The following RMI1 variants were observed in gnomAD, a reference collection of about 807,000 sequenced individuals.
RMI1 encodes RecQ mediated genome instability 1.
A neutral mutation model predicts 46.7 loss-of-function variants in RMI1; 36 were observed. That is an observed-to-expected ratio of 0.77 (90% confidence interval 0.59 to 1.02). The LOEUF is 1.02. Among genes scored for constraint, RMI1 ranks in the 50% least tolerant of loss-of-function variants. RMI1 has a pLI of 0.00. For missense variants in RMI1, 676 were observed against 713.7 expected, an observed-to-expected ratio of 0.95 and a Z score of 0.60; for synonymous variants, 250 against 252.9, an observed-to-expected ratio of 0.99 and a Z score of 0.11.
At chr9:83,984,118 G>A (rs1256094095) in intron 1 of RMI1, among the ~76,000 whole-genome samples, 1 of 151,952 alleles carries the variant, frequency 6.6e-6, no homozygotes, top group Non-Finnish European at 1.5e-5. Context: ...TGGGGTATAT[G>A]TGATAATTTA....
chr9:84,003,770 A>G lies in RMI1; in HGVS notation c.*906A>G, dbSNP rs938657188. The G allele has an allele frequency of 1.2e-5, 2 of 166,902 alleles. No individual in the cohort carries two copies. The highest frequency in any genetic ancestry group is 2.9e-5 in the Non-Finnish European group (2 of 68,124). 10.3% of individuals were successfully genotyped at this position (166,902 alleles called of 1,614,324 possible). A position where few individuals can be genotyped will look rare whatever the true frequency, so the allele number is the denominator to read the frequency against. ...TATTTTCAAGGATAGTTTATTTTAA[A>G]TGGCATATTGAAAACATCATTATTA... On this transcript the variant is annotated 3_prime_UTR_variant, in exon 3 of 3. Transcript: ENST00000445877.
chr9:83,998,239 A>ATT (rs1957687603), intron 1 of RMI1, among the ~76,000 whole-genome samples: 1 of 152,160 alleles, frequency 6.6e-6, no homozygotes, highest in African/African-American at 2.4e-5. Flanking sequence ...GAATTTTTAC[A>ATT]TTGTTTTTTA....
At chr9:83,980,966 G>A (rs1957369949) in intron 1 of RMI1, 75 bp downstream of exon 1, 1 of 152,364 alleles carries the variant, frequency 6.6e-6, no homozygotes, top group African/African-American at 2.4e-5. Context: ...ACCCCGCCCC[G>A]GGCTGTGGTC....
rs1422522659 is a variant in RMI1, at chr9:84,001,323, A to C, written c.337A>C (p.Asn113His). The C allele has an allele frequency of 6.2e-7, 1 of 1,614,010 alleles. No individual in the cohort carries two copies. Among genetic ancestry groups the C allele is most frequent in the Non-Finnish European group, 8.5e-7 (1 of 1,179,992 alleles). The part of the protein sequence containing the change: ...IQKLRGKNTT[N>H]DLVTAEAQVT... ...GAAGTTGAGAGGAAAGAATACAACA[A>C]ATGATCTAGTTACAGCTGAAGCACA... The change falls in exon 3 of 3, where the codon AAT (asparagine) becomes CAT (histidine). Residue 113 changes from asparagine (N) to histidine (H), a missense_variant. Physicochemically the swap from Asn to His is moderately conservative, Grantham distance 68. Coordinates refer to ENST00000445877, the MANE Select transcript of RMI1 (RefSeq NM_001358291.2).
In RMI1 at chr9:83,987,671, TG is replaced by T. The variant is rs1386274723; in HGVS notation, c.-126+6782del. Among the ~76,000 whole-genome samples the T allele has an allele frequency of 1.8e-4, 28 of 152,354 alleles. 1 individual carries two copies. Among genetic ancestry groups the T allele is most frequent in the Admixed American group, 1.8e-3 (28 of 15,304 alleles). On this transcript the variant is annotated intron_variant, in intron 1 of 2. Coordinates refer to ENST00000445877, the MANE Select transcript of RMI1 (RefSeq NM_001358291.2). ...TGTAGTCAACCTCTTTCCACATTTC[TG>T]GCCTTTGGCAACCACTGAACTGTTT...
In RMI1 at chr9:83,993,655, G is replaced by GT. The variant is rs530588883; in HGVS notation, c.-125-6048dup. Among the ~76,000 whole-genome samples the GT allele has an allele frequency of 1.9e-4, 29 of 152,126 alleles. No individual in the cohort carries two copies. In the East Asian group the frequency reaches 2.1e-3, roughly 11 times the overall value. On this transcript the variant is annotated intron_variant, in intron 1 of 2. Transcript: ENST00000445877. ...CCTCTCCAATACTTGTTATTTTCTG[G>GT]TTTTTTGATATTGGCACTTCTAACA...
intron 1 of RMI1, among the ~76,000 whole-genome samples, chr9:83,987,004 G>C (rs187033305): frequency 6.6e-6 from 1 of 152,266 alleles, no homozygotes. Context: ...GGAGGAAATA[G>C]GAACCTTATT....
intron 1 of RMI1, among the ~76,000 whole-genome samples, chr9:83,982,791 C>T (rs942609756): frequency 2.0e-5 from 3 of 151,798 alleles, no homozygotes; most frequent in Non-Finnish European, 4.4e-5. Flanking sequence ...TGCTATTTTT[C>T]CCCCCATTTG....
intron 1 of RMI1, among the ~76,000 whole-genome samples, chr9:83,982,557 AC>A (rs984773419): frequency 8.6e-5 from 13 of 151,956 alleles, no homozygotes; most frequent in African/African-American, 3.1e-4. Context: ...AGTCCCAGCT[AC>A]TCAGGAGGCC....
rs1957766078 is a variant in RMI1 at position 84,003,244 on chromosome 9, A to T, written c.*380A>T. The stretch of plus-strand genomic sequence containing the variant: ...TACTATTATTGTTTTGTAGGGACAG[A>T]GTTTTGCTATGTTGCCCAGATTGGT... On this transcript the variant is annotated 3_prime_UTR_variant, in exon 3 of 3. Transcript: ENST00000445877. 1 of 168,964 alleles carries T rather than the reference A, an allele frequency of 5.9e-6. No homozygotes were observed. Among genetic ancestry groups the T allele is most frequent in the Admixed American group, 6.3e-5 (1 of 15,802 alleles). The allele number at this position is 168,964 out of a possible 1,614,324, so 10.5% of individuals were successfully genotyped here.
Position 84,001,446 on chromosome 9 carries a change from A to G in RMI1, c.460A>G (p.Ile154Val). 4 of 1,614,108 alleles carry G rather than the reference A, an allele frequency of 2.5e-6. No individual in the cohort carries two copies. The highest frequency in any genetic ancestry group is 1.1e-5 in the South Asian group (1 of 91,086). The change falls in exon 3 of 3, where the codon ATT becomes GTT. Residue 154 changes from isoleucine (I) to valine (V), a missense_variant. Coordinates refer to ENST00000445877, the MANE Select transcript of RMI1 (RefSeq NM_001358291.2). The stretch of plus-strand genomic sequence containing the variant: ...AATACAGGGAATGGAATATCAGCCT[A>G]TTCCAATTCTTCATAGTGATCTTCC... Reference protein sequence around the residue: ...VQIQGMEYQPIPILHSDLPPG... With the variant: ...VQIQGMEYQPVPILHSDLPPG...
At chr9:83,996,054 C>G (rs528725150) in intron 1 of RMI1, among the ~76,000 whole-genome samples, 77 of 152,076 alleles carry the variant, frequency 5.1e-4, no homozygotes, top group Non-Finnish European at 8.8e-4. Flanking sequence ...TAGTAATTTT[C>G]CTAAAGTGTA....
At chr9:83,982,125 CTG>C (rs1252430038) in intron 1 of RMI1, among the ~76,000 whole-genome samples, 1 of 152,168 alleles carries the variant, frequency 6.6e-6, no homozygotes, top group Non-Finnish European at 1.5e-5. Flanking sequence ...ATATTCAAAA[CTG>C]ATGAGTTTAT....
At position 84,002,232 on chromosome 9, in the gene RMI1, A is replaced by G; in HGVS notation, c.1246A>G (p.Asn416Asp). 1 of 1,606,800 alleles carries G rather than the reference A, an allele frequency of 6.2e-7. No individual in the cohort carries two copies. Among genetic ancestry groups the G allele is most frequent in the Non-Finnish European group, 8.5e-7 (1 of 1,178,190 alleles). ...CNVPLAHDFT[N>D]KEKNLETDNK... ...TGTACCCTTAGCCCATGATTTTACAAATAAAGAAAAGAACTTAGAGACAGA... is the reference window on the plus strand; with the variant it reads ...TGTACCCTTAGCCCATGATTTTACAGATAAAGAAAAGAACTTAGAGACAGA... Residue 416 changes from asparagine to aspartate, a missense_variant, in exon 3 of 3, where the codon AAT becomes GAT. By Grantham distance (23) the Asn-to-Asp change is conservative. Transcript: ENST00000445877.
At position 84,002,588 on chromosome 9, in the gene RMI1, G is replaced by A. The variant is rs548128767; in HGVS notation, c.1602G>A (p.Val534=). 14 of 1,613,956 alleles carry A rather than the reference G, an allele frequency of 8.7e-6. No homozygotes were observed. The African/African-American group carries it at 1.3e-4, about 15-fold the overall frequency. Residue 534 remains valine (V), a synonymous_variant, in exon 3 of 3, where the codon GTG becomes GTA. Coordinates refer to ENST00000445877, the MANE Select transcript of RMI1 (RefSeq NM_001358291.2). ...GTATTTGGAGTATAACTGCAAAGGT[G>A]TCTGATGGTACTGCATATCTAGATG... ...SGGIWSITAK[V]SDGTAYLDVD...
At chr9:83,993,990 T>A (rs1469428227) in intron 1 of RMI1, among the ~76,000 whole-genome samples, 1 of 150,930 alleles carries the variant, frequency 6.6e-6, no homozygotes, top group Non-Finnish European at 1.5e-5. Context: ...CGCCATGTTG[T>A]TCAGGCTGGT....
chr9:83,991,142 TGGATATTCA>T (rs1048145517), intron 1 of RMI1, among the ~76,000 whole-genome samples: 9 of 152,202 alleles, frequency 5.9e-5, no homozygotes, highest in Non-Finnish European at 1.2e-4. Flanking sequence ...AAAAATTCTT[TGGATATTCA>T]GGATATTTCT....
At chr9:83,980,965 C>T (rs536107855) in intron 1 of RMI1, 74 bp downstream of exon 1, 1 of 152,358 alleles carries the variant, frequency 6.6e-6, no homozygotes, top group Non-Finnish European at 1.5e-5. Flanking sequence ...TACCCCGCCC[C>T]GGGCTGTGGT....
At chr9:83,991,676 A>C (rs573890342) in intron 1 of RMI1, among the ~76,000 whole-genome samples, 63 of 152,310 alleles carry the variant, frequency 4.1e-4, no homozygotes, top group African/African-American at 1.5e-3. Context: ...TTTTTTCTGC[A>C]AACTTTTCTT....
Sources: allele counts gnomAD v4.1 joint callset (sites outside exome capture counted in the v4.1 genomes callset), GRCh38; gene constraint gnomAD v4.1.1; transcripts MANE v1.5; gene names NCBI Gene and HGNC (gene_info 2026-07-23, HGNC 2026-07-21).